Variants in SCFD2 observed in about 807,000 individuals in gnomAD.
SCFD2 encodes the protein sec1 family domain containing 2, also known as sec1 family domain-containing protein 2.
SCFD2 carries 54 observed loss-of-function variants against 58.9 expected under a neutral mutation model. The ratio of observed to expected loss-of-function variants is 0.92; its 90% confidence interval spans 0.74 to 1.15. The LOEUF is 1.15. SCFD2 is among the 50% of genes most tolerant of loss of function. SCFD2 has a pLI of 0.00. For synonymous variants in SCFD2, 321 were observed against 335.9 expected, an observed-to-expected ratio of 0.96 and a Z score of 0.49; for missense variants, 805 against 836.6, an observed-to-expected ratio of 0.96 and a Z score of 0.47.
intron 4 of SCFD2, among the ~76,000 whole-genome samples, chr4:53,256,417 C>T (rs1165595817): frequency 2.0e-5 from 3 of 151,714 alleles, no homozygotes; most frequent in African/African-American, 7.3e-5. Flanking sequence ...AGCAGAGGGG[C>T]TCCTCACATC....
intron 5 of SCFD2, among the ~76,000 whole-genome samples, chr4:53,083,460 A>G (rs1724209459): frequency 6.6e-6 from 1 of 152,216 alleles, no homozygotes; most frequent in South Asian, 2.1e-4. Flanking sequence ...TGAGGTCACT[A>G]TTACCCTGAT....
At chr4:53,143,670 G>A (rs1726231571) in intron 5 of SCFD2, among the ~76,000 whole-genome samples, 1 of 152,078 alleles carries the variant, frequency 6.6e-6, no homozygotes, top group Non-Finnish European at 1.5e-5. Context: ...TGCACATTCT[G>A]CTCCCGGGAA....
At chr4:53,044,913 C>CG (rs1442160466) in intron 5 of SCFD2, among the ~76,000 whole-genome samples, 13 of 10,334 alleles carry the variant, frequency 1.3e-3, no homozygotes, top group Middle Eastern at 0.031. Flanking sequence ...CCAACCCCCC[C>CG]CCCCCGCCCA....
At chr4:53,027,855 A>G (rs541537481) in intron 5 of SCFD2, among the ~76,000 whole-genome samples, 89 of 151,736 alleles carry the variant, frequency 5.9e-4, no homozygotes, top group African/African-American at 2.0e-3. Flanking sequence ...AAAAACAATA[A>G]AGAAAGAAAG....
intron 5 of SCFD2, among the ~76,000 whole-genome samples, chr4:52,925,810 G>A (rs2109491056): frequency 6.6e-6 from 1 of 152,212 alleles, no homozygotes; most frequent in South Asian, 2.1e-4. Context: ...GATAGGGGAG[G>A]CCCTCAAACC....
chr4:53,033,893 A>T (rs1722687126), intron 5 of SCFD2, among the ~76,000 whole-genome samples: 1 of 152,192 alleles, frequency 6.6e-6, no homozygotes, highest in Admixed American at 6.5e-5. Context: ...TACAAAGAGG[A>T]GCTGGTACCA....
chr4:53,075,506 T>C (rs1723946450), intron 5 of SCFD2, among the ~76,000 whole-genome samples: 1 of 152,210 alleles, frequency 6.6e-6, no homozygotes, highest in Admixed American at 6.5e-5. Context: ...GTTTTTGACA[T>C]GTGTTCTTCA....
chr4:53,036,164 C>T (rs1404125977), intron 5 of SCFD2, among the ~76,000 whole-genome samples: 1 of 151,974 alleles, frequency 6.6e-6, no homozygotes, highest in Non-Finnish European at 1.5e-5. Flanking sequence ...CACCCATCAA[C>T]TCGTCATTTA....
chr4:53,037,146 CTG>C (rs1722784480), intron 5 of SCFD2, among the ~76,000 whole-genome samples: 1 of 152,040 alleles, frequency 6.6e-6, no homozygotes, highest in Non-Finnish European at 1.5e-5. Flanking sequence ...TGTCTATCAA[CTG>C]AGGACTGTTC....
At chr4:52,889,907 G>A (rs1718842770) in intron 7 of SCFD2, among the ~76,000 whole-genome samples, 1 of 152,194 alleles carries the variant, frequency 6.6e-6, no homozygotes, top group Non-Finnish European at 1.5e-5. Context: ...TATGGACATG[G>A]TGTGGACCAC....
At chr4:53,098,076 A>C (rs547287106) in intron 5 of SCFD2, among the ~76,000 whole-genome samples, 1 of 152,298 alleles carries the variant, frequency 6.6e-6, no homozygotes, top group Non-Finnish European at 1.5e-5. Flanking sequence ...CCACTTGATC[A>C]TGGTGGATAA....
chr4:53,277,714 G>A (rs547944470), intron 3 of SCFD2, among the ~76,000 whole-genome samples: 7 of 152,302 alleles, frequency 4.6e-5, no homozygotes, highest in African/African-American at 1.7e-4. Flanking sequence ...GATTTCTATT[G>A]TAATAACCGT....
At chr4:53,279,899 T>C (rs1487425668) in intron 3 of SCFD2, among the ~76,000 whole-genome samples, 3 of 152,140 alleles carry the variant, frequency 2.0e-5, no homozygotes, top group Non-Finnish European at 4.4e-5. Flanking sequence ...CTATCACCAG[T>C]ACAGCATCAG....
At chr4:53,345,754 A>C (rs1291512961) in intron 2 of SCFD2, among the ~76,000 whole-genome samples, 1 of 152,238 alleles carries the variant, frequency 6.6e-6, no homozygotes, top group Non-Finnish European at 1.5e-5. Context: ...ACACCATGGA[A>C]TACTATGCAT....
intron 4 of SCFD2, among the ~76,000 whole-genome samples, chr4:53,251,042 A>T (rs1730352904): frequency 6.6e-6 from 1 of 152,238 alleles, no homozygotes; most frequent in Non-Finnish European, 1.5e-5. Flanking sequence ...AAAAAATGAC[A>T]ATGGGGATAT....
At chr4:53,103,767 G>GGAAA (rs1724898455) in intron 5 of SCFD2, among the ~76,000 whole-genome samples, 1 of 7,240 alleles carries the variant, frequency 1.4e-4, no homozygotes, top group Non-Finnish European at 4.8e-4. Flanking sequence ...AAGTAAGGAA[G>GGAAA]TAAAAAAAAA....
chr4:53,095,881 C>T (rs1056828788), intron 5 of SCFD2, among the ~76,000 whole-genome samples: 4 of 152,066 alleles, frequency 2.6e-5, no homozygotes, highest in African/African-American at 9.7e-5. Context: ...ATCCCGACCC[C>T]ACAACAGGCC....
chr4:53,289,184 G>A (rs1577934096), intron 3 of SCFD2, among the ~76,000 whole-genome samples: 1 of 152,112 alleles, frequency 6.6e-6, no homozygotes, highest in Non-Finnish European at 1.5e-5. Flanking sequence ...GACCAACATG[G>A]TGAAACCCTG....
intron 4 of SCFD2, among the ~76,000 whole-genome samples, chr4:53,216,486 G>T (rs752971172): frequency 5.3e-5 from 8 of 152,018 alleles, no homozygotes; most frequent in Non-Finnish European, 5.9e-5. Context: ...TGGGATTGGT[G>T]GTGATATCCC....
Sources: allele counts gnomAD v4.1 joint callset (sites outside exome capture counted in the v4.1 genomes callset), GRCh38; gene constraint gnomAD v4.1.1; transcripts MANE v1.5; gene names NCBI Gene and HGNC (gene_info 2026-07-23, HGNC 2026-07-21).